The following THEMIS variants were observed in gnomAD, a reference collection of about 807,000 sequenced individuals.
THEMIS encodes the protein thymocyte selection associated, also known as protein THEMIS.
A neutral mutation model predicts 52.6 loss-of-function variants in THEMIS; 37 were observed. The ratio of observed to expected loss-of-function variants is 0.70; its 90% CI spans 0.54 to 0.93. The LOEUF is 0.93. Ranked by LOEUF, THEMIS falls within the 40% of genes least tolerant of loss-of-function variation. THEMIS has a pLI of 0.00. For missense variants in THEMIS, 808 were observed against 763.1 expected, an observed-to-expected ratio of 1.06 and a Z score of -0.69; for synonymous variants, 292 against 272.7, an observed-to-expected ratio of 1.07 and a Z score of -0.70.
intron 4 of THEMIS, among the ~76,000 whole-genome samples, chr6:127,779,390 AG>A: frequency 6.6e-6 from 1 of 152,164 alleles, no homozygotes; most frequent in Admixed American, 6.5e-5. Context: ...CCAGAGACAG[AG>A]ACATACAAGT....
At chr6:127,819,741 A>G (rs1778270404) in intron 3 of THEMIS, among the ~76,000 whole-genome samples, 1 of 152,224 alleles carries the variant, frequency 6.6e-6, no homozygotes, top group African/African-American at 2.4e-5. Context: ...GTAACAATTC[A>G]GGGAATTTGT....
chr6:127,918,577 A>C (rs1258304318), upstream of THEMIS: 3 of 152,160 alleles, frequency 2.0e-5, no homozygotes, highest in Non-Finnish European at 4.4e-5. Context: ...ATGCAAATAT[A>C]AATCTCGTAA....
chr6:127,801,797 A>G, intron 4 of THEMIS, among the ~76,000 whole-genome samples: 1 of 152,122 alleles, frequency 6.6e-6, no homozygotes, highest in South Asian at 2.1e-4. Context: ...TTCTAGACCT[A>G]CAACTAGACA....
chr6:127,781,502 C>T (rs901811226), intron 4 of THEMIS, among the ~76,000 whole-genome samples: 1 of 152,086 alleles, frequency 6.6e-6, no homozygotes, highest in Non-Finnish European at 1.5e-5. Context: ...CCTTTTTGTG[C>T]TGATTTCTCC....
At chr6:127,761,613 A>T (rs1318270288) in intron 4 of THEMIS, among the ~76,000 whole-genome samples, 3 of 152,180 alleles carry the variant, frequency 2.0e-5, no homozygotes, top group Non-Finnish European at 4.4e-5. Flanking sequence ...GCTATACAGG[A>T]CCTGATGAAA....
intron 1 of THEMIS, among the ~76,000 whole-genome samples, chr6:127,864,332 G>GA (rs1165285936): frequency 6.6e-6 from 1 of 151,322 alleles, no homozygotes; most frequent in Non-Finnish European, 1.5e-5. Flanking sequence ...TGCCAGATCA[G>GA]AAAAAAAAGT....
chr6:127,878,387 A>G (rs1295791747), intron 1 of THEMIS, among the ~76,000 whole-genome samples: 1 of 152,188 alleles, frequency 6.6e-6, no homozygotes, highest in East Asian at 1.9e-4. Context: ...AGACAGCTTC[A>G]AAAGACAGCT....
intron 2 of THEMIS, among the ~76,000 whole-genome samples, chr6:127,839,381 A>G (rs903805479): frequency 2.2e-4 from 34 of 152,160 alleles, no homozygotes; most frequent in Non-Finnish European, 4.4e-5. Flanking sequence ...CTTTATGTAC[A>G]TACAGTTGTT....
intron 4 of THEMIS, among the ~76,000 whole-genome samples, chr6:127,786,321 T>G (rs1776947216): frequency 6.6e-6 from 1 of 152,192 alleles, no homozygotes; most frequent in South Asian, 2.1e-4. Context: ...GTCTGTGTAA[T>G]GGAATGTAAA....
At chr6:127,722,061 A>G (rs1437759443) in intron 4 of THEMIS, among the ~76,000 whole-genome samples, 2 of 152,036 alleles carry the variant, frequency 1.3e-5, no homozygotes, top group Non-Finnish European at 2.9e-5. Flanking sequence ...TAGGTTCTGT[A>G]TTGTAAAGGT....
chr6:127,777,676 T>C (rs1362507841), intron 4 of THEMIS, among the ~76,000 whole-genome samples: 2 of 152,150 alleles, frequency 1.3e-5, no homozygotes, highest in African/African-American at 4.8e-5. Flanking sequence ...TACCAGATAA[T>C]GGACAAACAC....
At chr6:127,705,907 CT>C (rs1562202305), downstream of THEMIS, among the ~76,000 whole-genome samples, 1 of 152,118 alleles carries the variant, frequency 6.6e-6, no homozygotes, top group Non-Finnish European at 1.5e-5. Context: ...TAGGATCAGG[CT>C]GGAAAGATTA....
intron 4 of THEMIS, among the ~76,000 whole-genome samples, chr6:127,743,036 T>C (rs1402246869): frequency 6.6e-6 from 1 of 152,082 alleles, no homozygotes; most frequent in African/African-American, 2.4e-5. Flanking sequence ...GAAGAATAAA[T>C]TATTTTAGAA....
chr6:127,844,716 A>G (rs1028869829), intron 2 of THEMIS, among the ~76,000 whole-genome samples: 86 of 151,928 alleles, frequency 5.7e-4, no homozygotes, highest in African/African-American at 2.1e-3. Flanking sequence ...TCTTTCCAGG[A>G]GGTAATCCAG....
At chr6:127,773,493 A>G (rs1776454961) in intron 4 of THEMIS, among the ~76,000 whole-genome samples, 1 of 152,350 alleles carries the variant, frequency 6.6e-6, no homozygotes, top group Non-Finnish European at 1.5e-5. Flanking sequence ...CTGTTTTCCT[A>G]TGACTGATAA....
At chr6:127,778,391 A>C (rs764782345) in intron 4 of THEMIS, among the ~76,000 whole-genome samples, 1 of 152,138 alleles carries the variant, frequency 6.6e-6, no homozygotes, top group African/African-American at 2.4e-5. Flanking sequence ...TACTATCAAC[A>C]TGTGTTTTTA....
chr6:127,867,420 T>C (rs765670844), intron 1 of THEMIS, among the ~76,000 whole-genome samples: 1 of 152,156 alleles, frequency 6.6e-6, no homozygotes, highest in Non-Finnish European at 1.5e-5. Context: ...TAGGACTTTT[T>C]ATGTTGCTTT....
chr6:127,702,877 G>A, the THEMIS span, among the ~76,000 whole-genome samples: 3 of 151,880 alleles, frequency 2.0e-5, no homozygotes, highest in East Asian at 3.9e-4. Context: ...TCACTCTCAC[G>A]AGAACAGCAT....
intron 1 of THEMIS, among the ~76,000 whole-genome samples, chr6:127,855,964 C>T (rs955174531): frequency 1.3e-5 from 2 of 151,860 alleles, no homozygotes; most frequent in African/African-American, 4.8e-5. Context: ...GGATAATCTA[C>T]CCCCAGTGAA....
Sources: gnomAD v4.1 joint callset for allele counts (sites outside exome capture counted in the v4.1 genomes callset) on GRCh38, gnomAD v4.1.1 for gene constraint, MANE v1.5 for transcripts, NCBI Gene and HGNC (gene_info 2026-07-23, HGNC 2026-07-21) for gene names.